SYNE2: variants seen among roughly 807,000 people sequenced by gnomAD.
SYNE2 encodes spectrin repeat containing nuclear envelope protein 2.
In SYNE2, 431 loss-of-function variants were observed where a neutral mutation model predicts 856.3. The ratio of observed to expected loss-of-function variants is 0.50; its 90% CI spans 0.47 to 0.55. SYNE2 has a LOEUF of 0.55. Among genes scored for constraint, SYNE2 ranks in the 20% least tolerant of loss-of-function variants. SYNE2 has a pLI of 0.00. For missense variants in SYNE2, 8,129 were observed against 8,023.2 expected (o/e 1.01, Z -0.50); for synonymous variants, 2,923 against 2,872.3 (o/e 1.02, Z -0.56).
chr14:64,149,345 G>A (rs1436166341), intron 84 of SYNE2, among the ~76,000 whole-genome samples: 2 of 152,090 alleles, frequency 1.3e-5, no homozygotes, highest in Non-Finnish European at 1.5e-5. Flanking sequence ...TGATGAAAAT[G>A]ATTGATGTAT....
intron 73 of SYNE2, among the ~76,000 whole-genome samples, chr14:64,127,453 G>A (rs528724611): frequency 6.6e-6 from 1 of 152,238 alleles, no homozygotes; most frequent in East Asian, 1.9e-4. Flanking sequence ...GTAGAGTCTT[G>A]AGTAAGAATT....
intron 1 of SYNE2, among the ~76,000 whole-genome samples, chr14:63,798,216 T>G (rs1468957262): frequency 6.6e-6 from 1 of 152,034 alleles, no homozygotes; most frequent in East Asian, 1.9e-4. Context: ...TTTTTTTGGT[T>G]GTTTGTTTTT....
intron 6 of SYNE2, among the ~76,000 whole-genome samples, chr14:63,948,972 A>G (rs375678803): frequency 3.6e-4 from 54 of 151,758 alleles, no homozygotes; most frequent in African/African-American, 1.2e-3. Context: ...GGTCAGTGTC[A>G]GTAAATGTTC....
intron 50 of SYNE2, among the ~76,000 whole-genome samples, chr14:64,063,102 C>T (rs774704370): frequency 1.3e-5 from 2 of 152,132 alleles, no homozygotes; most frequent in Non-Finnish European, 2.9e-5. Context: ...GGAGTGCAGT[C>T]ATGCAGTCTT....
At chr14:63,980,537 G>A (rs986452244) in intron 14 of SYNE2, 117 bp from the exon 15 acceptor site, 4 of 687,800 alleles carry the variant, frequency 5.8e-6, no homozygotes, top group African/African-American at 3.6e-5. Context: ...TAGTATTAAA[G>A]CCCTAAAGAA....
At chr14:64,147,544 A>G (rs1324592560) in intron 84 of SYNE2, among the ~76,000 whole-genome samples, 1 of 152,206 alleles carries the variant, frequency 6.6e-6, no homozygotes, top group Non-Finnish European at 1.5e-5. Flanking sequence ...TAGCCACGGA[A>G]CAAGGTCGAA....
Position 64,126,436 on chromosome 14 carries a change from G to A in SYNE2, c.13664G>A (p.Arg4555Lys). The change falls in exon 72 of 116, where the codon AGA becomes AAA. Residue 4555 changes from arginine to lysine, a missense_variant. Transcript: ENST00000555002. ...SSVEEMLEMP[R>K]LYREDGSGQQ... ...GTGGAGGAGATGCTGGAGATGCCCA[G>A]ACTTTACAGGGAGGATGGTTCTGGC... 5 of 1,614,158 alleles carry A rather than the reference G, an allele frequency of 3.1e-6. No individual in the cohort carries two copies. Among genetic ancestry groups the A allele is most frequent in the Non-Finnish European group, 3.4e-6 (4 of 1,180,032 alleles).
At position 64,194,142 on chromosome 14, in the gene SYNE2, A is replaced by T. The variant is rs1376821124; in HGVS notation, c.18038+3905A>T. On this transcript the variant is annotated intron_variant, in intron 99 of 115. Coordinates refer to ENST00000555002, the MANE Select transcript of SYNE2 (RefSeq NM_182914.3). ...TAATTTCATCAACACAGGTCATTTA[A>T]AGCACTATATATATGTTTGGTGATT... 5.3e-5 allele frequency among the ~76,000 whole-genome samples: 8 copies of T among 152,210 alleles called. No individual in the cohort carries two copies. In the East Asian group the frequency reaches 1.5e-3, roughly 29 times the overall value.
chr14:64,175,290 T>C (rs1194775445), intron 95 of SYNE2, 152 bp downstream of exon 95: 5 of 811,490 alleles, frequency 6.2e-6, no homozygotes, highest in Non-Finnish European at 9.8e-6. Context: ...AGTTACTTAA[T>C]GTGAAATGAT....
chr14:64,185,519 C>CTTTTTTTTTT (rs66490444), intron 96 of SYNE2, among the ~76,000 whole-genome samples: 6 of 77,456 alleles, frequency 7.7e-5, no homozygotes, highest in East Asian at 3.6e-4. Flanking sequence ...TTTTCTTTTT[C>CTTTTTTTTTT]TTTTTTTTTT....
At chr14:63,869,883 G>T (rs1186957537) in intron 1 of SYNE2, among the ~76,000 whole-genome samples, 1 of 151,982 alleles carries the variant, frequency 6.6e-6, no homozygotes, top group Non-Finnish European at 1.5e-5. Flanking sequence ...TCAAGTAATA[G>T]CATGAACATT....
chr14:64,021,505 C>T lies in SYNE2; in HGVS notation c.5342C>T (p.Thr1781Ile). The part of the protein sequence containing the change: ...LSPSDSLEIF[T>I]KLEEIQQQIL... Reference sequence around the variant, plus strand: ...CCTTCTGACAGCTTGGAGATCTTCACTAAACTAGAGGTGCTACCGAGCTGC... The same window carrying T: ...CCTTCTGACAGCTTGGAGATCTTCATTAAACTAGAGGTGCTACCGAGCTGC... Residue 1781 changes from threonine to isoleucine, a missense_variant, in exon 36 of 116, where the codon ACT becomes ATT. Thr to Ile is a moderately conservative substitution (Grantham distance 89). Transcript: ENST00000555002. 1 of 1,614,074 alleles carries T rather than the reference C, an allele frequency of 6.2e-7. No individual in the cohort carries two copies. The highest frequency in any genetic ancestry group is 8.5e-7 in the Non-Finnish European group (1 of 1,180,016).
rs1163559639 is a variant in SYNE2 at position 64,170,276 on chromosome 14, T to G, written c.17049T>G (p.Asn5683Lys). Reference protein sequence around the residue: ...EFSKLTDRWQNAVQGVRQRKG... With the variant: ...EFSKLTDRWQKAVQGVRQRKG... ...CAAAGCTGACGGATCGGTGGCAGAATGCTGTCCAGGGTGTTCGGCAGAGGA... is the reference window on the plus strand; with the variant it reads ...CAAAGCTGACGGATCGGTGGCAGAAGGCTGTCCAGGGTGTTCGGCAGAGGA... Residue 5683 changes from asparagine to lysine, a missense_variant, in exon 94 of 116, where the codon AAT becomes AAG. Asn to Lys is a moderately conservative substitution (Grantham distance 94). This residue lies in a region of SYNE2 where 5,410 missense variants were observed against 5,284.8 expected (regional missense o/e 1.02). Coordinates refer to ENST00000555002, the MANE Select transcript of SYNE2 (RefSeq NM_182914.3). The G allele has an allele frequency of 3.1e-6, 5 of 1,614,140 alleles. No individual in the cohort carries two copies. The Admixed American group carries it at 8.3e-5, about 27-fold the overall frequency.
At chr14:63,996,102 T>G (rs1280281695) in intron 23 of SYNE2, among the ~76,000 whole-genome samples, 3 of 152,220 alleles carry the variant, frequency 2.0e-5, no homozygotes, top group Non-Finnish European at 4.4e-5. Context: ...AGCTCAAAAC[T>G]GAACGAATAA....
In SYNE2 at chr14:64,065,509, G is replaced by A. The variant is rs780399811; in HGVS notation, c.10290G>A (p.Arg3430=). Residue 3430 remains arginine (R), a synonymous_variant, in exon 51 of 116, where the codon AGG becomes AGA. Transcript: ENST00000555002. ...AGATCCTTAGACTCTTGAGACTCAG[G>A]TGCACAGAAAATGATGGCATATGTT... The part of the protein sequence containing the change: ...LRQILRLLRL[R]CTENDGICLL... 2.5e-6 allele frequency: 4 copies of A among 1,613,986 alleles called. No homozygotes were observed. Among genetic ancestry groups the A allele is most frequent in the Non-Finnish European group, 3.4e-6 (4 of 1,180,038 alleles).
chr14:63,876,305 T>C (rs918769080), intron 1 of SYNE2, among the ~76,000 whole-genome samples: 4 of 150,928 alleles, frequency 2.7e-5, no homozygotes, highest in Admixed American at 1.3e-4. Flanking sequence ...TAATTCCAGC[T>C]ACTTGGGAGG....
intron 1 of SYNE2, among the ~76,000 whole-genome samples, chr14:63,814,441 TATATATAATATATATCCTTATATATC>T (rs1888751035): frequency 1.4e-5 from 2 of 142,636 alleles, no homozygotes; most frequent in African/African-American, 2.6e-5. Context: ...TATATATCCA[TATATATAATATATATCCTTATATATC>T]ATATATAATA....
intron 91 of SYNE2, 41 bp from the exon 92 acceptor site, chr14:64,167,454 G>A: frequency 6.2e-7 from 1 of 1,614,246 alleles, no homozygotes; most frequent in Non-Finnish European, 8.5e-7. Flanking sequence ...CTCGGGAATG[G>A]CATTGTTAAC....
intron 107 of SYNE2, chr14:64,215,762 G>A (rs1047294486): frequency 2.4e-5 from 10 of 413,094 alleles, no homozygotes; most frequent in African/African-American, 1.6e-4. Context: ...AAAGGGTGCT[G>A]ATGATTTGCC....
Sources: allele counts gnomAD v4.1 joint callset (sites outside exome capture counted in the v4.1 genomes callset), GRCh38; gene constraint gnomAD v4.1.1; regional missense constraint gnomAD v4.1.1; transcripts MANE v1.5; gene names NCBI Gene and HGNC (gene_info 2026-07-23, HGNC 2026-07-21).